ITGB8: variants seen among roughly 807,000 people sequenced by gnomAD.
The protein encoded by ITGB8 is integrin subunit beta 8, also known as integrin beta-8.
ITGB8 carries 30 observed loss-of-function variants against 89.5 expected under a neutral mutation model. That is an observed-to-expected ratio of 0.34 (90% confidence interval 0.25 to 0.45). ITGB8 has a LOEUF of 0.45. ITGB8 is among the 20% of genes least tolerant of loss of function. ITGB8 has a pLI of 1.00. For missense variants in ITGB8, 836 were observed against 933.3 expected (o/e 0.90, Z 1.36); for synonymous variants, 335 against 320.4 (o/e 1.05, Z -0.49).
chr7:20,353,894 T>C (rs1475965469), intron 1 of ITGB8, among the ~76,000 whole-genome samples: 1 of 110,478 alleles, frequency 9.1e-6, no homozygotes, highest in African/African-American at 3.9e-5. Flanking sequence ...ATCGCGCCAC[T>C]GCACTCCAGC....
rs1250970179 is a variant in ITGB8, at chr7:20,414,292, C to T, written c.*4295C>T. The stretch of plus-strand genomic sequence containing the variant: ...CTCAACATGGAGCCTAACTGATTAT[C>T]AGCTCAGATCCCGCATATCTTGAGT... On this transcript the variant is annotated 3_prime_UTR_variant, in exon 14 of 14. Coordinates refer to ENST00000222573, the MANE Select transcript of ITGB8 (RefSeq NM_002214.3). The T allele has an allele frequency of 6.6e-6, 1 of 152,154 alleles. No homozygotes were observed. The highest frequency in any genetic ancestry group is 2.4e-5 in the African/African-American group (1 of 41,460). 9.4% of individuals were successfully genotyped at this position (152,154 alleles called of 1,614,324 possible).
chr7:20,336,465 T>A (rs936217224), intron 1 of ITGB8, among the ~76,000 whole-genome samples: 2 of 152,220 alleles, frequency 1.3e-5, no homozygotes, highest in Non-Finnish European at 2.9e-5. Context: ...CATTTTCTTG[T>A]CCAGTCTTCA....
intron 3 of ITGB8, among the ~76,000 whole-genome samples, chr7:20,375,194 C>T (rs1421289396): frequency 1.3e-5 from 2 of 151,486 alleles, no homozygotes; most frequent in African/African-American, 4.9e-5. Context: ...TGAAATTCTA[C>T]ATTCATAAAG....
chr7:20,351,164 A>C (rs1206388589), intron 1 of ITGB8, among the ~76,000 whole-genome samples: 1 of 152,256 alleles, frequency 6.6e-6, no homozygotes. Flanking sequence ...CTTGTATTAA[A>C]GAATTTTCTG....
chr7:20,332,504 AAT>A (rs1263313603), intron 1 of ITGB8, among the ~76,000 whole-genome samples: 1 of 145,744 alleles, frequency 6.9e-6, no homozygotes, highest in African/African-American at 2.6e-5. Context: ...AAAAAAAAAA[AAT>A]ACTATCTAAT....
intron 8 of ITGB8, among the ~76,000 whole-genome samples, chr7:20,397,228 CTTTTT>C (rs11286671): frequency 6.9e-6 from 1 of 144,212 alleles, no homozygotes; most frequent in African/African-American, 2.6e-5. Flanking sequence ...CCTTTTCTTT[CTTTTT>C]TTTTTTTTTT....
intron 1 of ITGB8, among the ~76,000 whole-genome samples, chr7:20,340,261 T>G (rs1221240064): frequency 1.3e-5 from 2 of 152,224 alleles, no homozygotes; most frequent in Non-Finnish European, 2.9e-5. Flanking sequence ...TGGTATCGTT[T>G]GTTTATTCTA....
At chr7:20,330,363 C>G (rs1784332410), upstream of ITGB8, among the ~76,000 whole-genome samples, 1 of 152,134 alleles carries the variant, frequency 6.6e-6, no homozygotes, top group African/African-American at 2.4e-5. Flanking sequence ...GCAGCAGCTG[C>G]GGGGCAGTGA....
chr7:20,330,576 A>C (rs1257804915), upstream of ITGB8: 1 of 152,306 alleles, frequency 6.6e-6, no homozygotes. Context: ...TGGGAATGGC[A>C]ACTATCAGAG....
intron 4 of ITGB8, chr7:20,379,768 T>C (rs1688939429): frequency 6.6e-6 from 1 of 152,206 alleles, no homozygotes; most frequent in South Asian, 2.1e-4. Flanking sequence ...CCGATGTGAC[T>C]ACAAAGAAAT....
chr7:20,330,804 C>A (rs1288135090), upstream of ITGB8: 2 of 152,260 alleles, frequency 1.3e-5, no homozygotes, highest in Non-Finnish European at 2.9e-5. Context: ...CCCGGCTACC[C>A]GCAGGTCTGG....
chr7:20,405,364 G>C (rs1349961927), intron 11 of ITGB8, among the ~76,000 whole-genome samples: 1 of 149,902 alleles, frequency 6.7e-6, no homozygotes, highest in Non-Finnish European at 1.5e-5. Context: ...CTGTCACCCG[G>C]CTGGAGTGCA....
chr7:20,407,347 A>T (rs1255465428), intron 12 of ITGB8, among the ~76,000 whole-genome samples: 1 of 128,692 alleles, frequency 7.8e-6, no homozygotes, highest in Non-Finnish European at 1.6e-5. Flanking sequence ...AAAGCTGTTT[A>T]AAAAAAAAAA....
At position 20,347,604 on chromosome 7, in the gene ITGB8, A is replaced by G. The variant is rs76088338; in HGVS notation, c.127+15671A>G. On this transcript the variant is annotated intron_variant, in intron 1 of 13. Transcript: ENST00000222573. ...AAGATTTAAATCAGAATAGATGGGA[A>G]AATAATGTAATTAATGGAATACATC... Among the ~76,000 whole-genome samples, 906 of 152,342 alleles carry G rather than the reference A, an allele frequency of 5.9e-3. 13 individuals carry two copies. Among genetic ancestry groups the G allele is most frequent in the African/African-American group, 0.021 (855 of 41,580 alleles).
intron 1 of ITGB8, among the ~76,000 whole-genome samples, chr7:20,354,768 C>T (rs185479145): frequency 7.2e-5 from 11 of 152,304 alleles, no homozygotes; most frequent in African/African-American, 2.6e-4. Context: ...TTCACAGAAG[C>T]CCCATTCAGA....
intron 3 of ITGB8, among the ~76,000 whole-genome samples, chr7:20,370,582 T>C (rs1427895629): frequency 1.4e-5 from 2 of 142,782 alleles, no homozygotes; most frequent in African/African-American, 5.4e-5. Context: ...TACACTACTT[T>C]ATTTATTTAT....
At chr7:20,341,475 G>A (rs1397547511) in intron 1 of ITGB8, among the ~76,000 whole-genome samples, 6 of 152,194 alleles carry the variant, frequency 3.9e-5, no homozygotes, top group South Asian at 2.1e-4. Context: ...CTGACGTCAG[G>A]TTGATACTGA....
intron 1 of ITGB8, among the ~76,000 whole-genome samples, chr7:20,350,449 T>C (rs1339343766): frequency 6.6e-6 from 1 of 152,180 alleles, no homozygotes. Context: ...TGCCCAGCCT[T>C]TGGTGGCCTT....
At chr7:20,399,929 G>A (rs34436326) in intron 9 of ITGB8, among the ~76,000 whole-genome samples, 35,051 of 152,060 alleles carry the variant, frequency 0.23, 5,035 homozygotes, top group Non-Finnish European at 0.32. Context: ...GTTAGAATAT[G>A]TTTTTCTATC....
Sources: gnomAD v4.1 joint callset for allele counts (sites outside exome capture counted in the v4.1 genomes callset) on GRCh38, gnomAD v4.1.1 for gene constraint, MANE v1.5 for transcripts, NCBI Gene and HGNC (gene_info 2026-07-23, HGNC 2026-07-21) for gene names.